The following DLG2 variants were observed in gnomAD, a reference collection of about 807,000 sequenced individuals.
The protein encoded by DLG2 is disks large homolog 2.
In DLG2, 45 loss-of-function variants were observed where a neutral mutation model predicts 132.5. The ratio of observed to expected loss-of-function variants is 0.34; its 90% CI spans 0.27 to 0.44. The LOEUF is 0.44. Among genes scored for constraint, DLG2 ranks in the 20% least tolerant of loss-of-function variants. The pLI is 1.00. For missense variants in DLG2, 1,045 were observed against 1,196.9 expected (o/e 0.87, Z 1.87); for synonymous variants, 424 against 419.6 (o/e 1.01, Z -0.13).
chr11:84,062,917 C>G (rs2096614541), intron 10 of DLG2, among the ~76,000 whole-genome samples: 1 of 151,976 alleles, frequency 6.6e-6, no homozygotes, highest in Non-Finnish European at 1.5e-5. Context: ...CTCTCTTTAC[C>G]AGTAGATAAA....
At chr11:84,875,495 T>G (rs1289250700) in intron 6 of DLG2, among the ~76,000 whole-genome samples, 1 of 150,876 alleles carries the variant, frequency 6.6e-6, no homozygotes, top group Non-Finnish European at 1.5e-5. Context: ...CTTGATTTCC[T>G]GGTGGAAAAA....
chr11:83,729,357 A>C (rs2090576304), intron 18 of DLG2, among the ~76,000 whole-genome samples: 1 of 152,202 alleles, frequency 6.6e-6, no homozygotes, highest in Admixed American at 6.5e-5. Flanking sequence ...TTACTGAATG[A>C]AAAACAAAGG....
At chr11:85,361,753 T>A (rs1405732682) in intron 3 of DLG2, among the ~76,000 whole-genome samples, 2 of 152,240 alleles carry the variant, frequency 1.3e-5, no homozygotes, top group Non-Finnish European at 2.9e-5. Context: ...CCAACTTTGA[T>A]CTTTTAGCTC....
In DLG2 at chr11:85,362,289, A is replaced by G. The variant is rs532050797; in HGVS notation, c.41-76924T>C. Among the ~76,000 whole-genome samples, 2 of 152,216 alleles carry G rather than the reference A, an allele frequency of 1.3e-5. 1 individual carries two copies. Among genetic ancestry groups the G allele is most frequent in the South Asian group, 4.1e-4 (2 of 4,828 alleles). Reference sequence around the variant, plus strand: ...TTGTTTATTTTTTGTAGTTCTACTTATAGAGATCTTTTGCCTCCCTGATTT... The same window carrying G: ...TTGTTTATTTTTTGTAGTTCTACTTGTAGAGATCTTTTGCCTCCCTGATTT... On this transcript the variant is annotated intron_variant, in intron 3 of 27. Coordinates refer to ENST00000376104, the MANE Select transcript of DLG2 (RefSeq NM_001142699.3).
At chr11:83,793,967 G>A (rs1164871236) in intron 17 of DLG2, among the ~76,000 whole-genome samples, 1 of 152,144 alleles carries the variant, frequency 6.6e-6, no homozygotes, top group African/African-American at 2.4e-5. Flanking sequence ...ATACATTAGA[G>A]ATGAACCCCG....
chr11:84,049,994 T>C (rs942579305), intron 11 of DLG2, among the ~76,000 whole-genome samples: 1 of 151,618 alleles, frequency 6.6e-6, no homozygotes, highest in Non-Finnish European at 1.5e-5. Flanking sequence ...ATATGGCATA[T>C]GTTTAAGAAA....
At chr11:83,767,535 G>C (rs929202848) in intron 18 of DLG2, among the ~76,000 whole-genome samples, 1 of 152,190 alleles carries the variant, frequency 6.6e-6, no homozygotes, top group African/African-American at 2.4e-5. Flanking sequence ...TCAAGAGCAG[G>C]GAGGCTACAG....
At chr11:84,031,267 T>C (rs1049849219) in intron 11 of DLG2, among the ~76,000 whole-genome samples, 1 of 150,226 alleles carries the variant, frequency 6.7e-6, no homozygotes, top group African/African-American at 2.5e-5. Flanking sequence ...AGGAAGCAAA[T>C]AGGTTGAAAA....
intron 6 of DLG2, among the ~76,000 whole-genome samples, chr11:84,538,174 C>G (rs966851323): frequency 6.6e-6 from 1 of 152,170 alleles, no homozygotes; most frequent in African/African-American, 2.4e-5. Context: ...GGCTGGCTGG[C>G]TGCAGCTTCT....
chr11:85,021,911 A>T (rs2060110338), intron 6 of DLG2, among the ~76,000 whole-genome samples: 1 of 152,142 alleles, frequency 6.6e-6, no homozygotes, highest in African/African-American at 2.4e-5. Flanking sequence ...ATGTCACAAA[A>T]AATTAGTATA....
chr11:85,214,328 A>G (rs1420441790), intron 4 of DLG2, among the ~76,000 whole-genome samples: 1 of 152,130 alleles, frequency 6.6e-6, no homozygotes, highest in Non-Finnish European at 1.5e-5. Context: ...CACTATTTCA[A>G]AACTCACATT....
intron 17 of DLG2, among the ~76,000 whole-genome samples, chr11:83,810,928 A>T (rs1365384424): frequency 6.6e-6 from 1 of 152,114 alleles, no homozygotes; most frequent in African/African-American, 2.4e-5. Context: ...AACTGTAGAA[A>T]GTCAAGCTTT....
At chr11:84,297,823 C>A (rs1567211810) in intron 7 of DLG2, among the ~76,000 whole-genome samples, 1 of 152,004 alleles carries the variant, frequency 6.6e-6, no homozygotes, top group Admixed American at 6.6e-5. Context: ...TCCACACTAG[C>A]CTTCTTCTAT....
chr11:85,625,623 G>GAT (rs2081990063), intron 2 of DLG2, among the ~76,000 whole-genome samples: 1 of 152,172 alleles, frequency 6.6e-6, no homozygotes, highest in Admixed American at 6.5e-5. Context: ...ACCATGCAGA[G>GAT]ATAAGTTCCA....
chr11:85,437,933 T>TTGC (rs2091579572), intron 3 of DLG2, among the ~76,000 whole-genome samples: 1 of 152,310 alleles, frequency 6.6e-6, no homozygotes, highest in African/African-American at 2.4e-5. Flanking sequence ...CCTATTTGTG[T>TTGC]TGCTATAAAG....
intron 7 of DLG2, among the ~76,000 whole-genome samples, chr11:84,390,176 T>C (rs112465671): frequency 6.6e-6 from 1 of 152,262 alleles, no homozygotes; most frequent in African/African-American, 2.4e-5. Context: ...CTCTAATTAA[T>C]CAACACTCTA....
chr11:84,412,035 T>G (rs1246555256), intron 7 of DLG2, among the ~76,000 whole-genome samples: 1 of 150,046 alleles, frequency 6.7e-6, no homozygotes, highest in East Asian at 2.0e-4. Context: ...AATGGAGGAG[T>G]GTGCGAACCC....
intron 3 of DLG2, among the ~76,000 whole-genome samples, chr11:85,470,328 T>A (rs1194801755): frequency 6.6e-6 from 1 of 151,762 alleles, no homozygotes; most frequent in Non-Finnish European, 1.5e-5. Context: ...AGCAAAATCA[T>A]TTTGGATGAC....
intron 6 of DLG2, among the ~76,000 whole-genome samples, chr11:84,874,171 A>G (rs968994266): frequency 6.6e-6 from 1 of 152,204 alleles, no homozygotes; most frequent in Non-Finnish European, 1.5e-5. Flanking sequence ...CATAACACAC[A>G]TGAGGGTATT....
Sources: gnomAD v4.1 joint callset for allele counts (sites outside exome capture counted in the v4.1 genomes callset) on GRCh38, gnomAD v4.1.1 for gene constraint, MANE v1.5 for transcripts, NCBI Gene and HGNC (gene_info 2026-07-23, HGNC 2026-07-21) for gene names.